The following GHR variants were observed in gnomAD, a reference collection of about 807,000 sequenced individuals.
The protein encoded by GHR is GH receptor.
Under a neutral mutation model 67.1 loss-of-function variants are expected in GHR, and 35 were observed. The observed-to-expected ratio is 0.52, with a 90% CI of 0.40 to 0.69. GHR has a LOEUF of 0.69. GHR is among the 30% of genes least tolerant of loss of function. The pLI is 0.00. For synonymous variants in GHR, 272 were observed against 269.1 expected, an observed-to-expected ratio of 1.01 and a Z score of -0.10; for missense variants, 792 against 764.6, an observed-to-expected ratio of 1.04 and a Z score of -0.42.
chr5:42,534,137 T>C (rs1017316446), intron 1 of GHR, among the ~76,000 whole-genome samples: 8 of 148,112 alleles, frequency 5.4e-5, no homozygotes, highest in African/African-American at 2.0e-4. Context: ...TATATGTACA[T>C]ATGTATATAT....
chr5:42,555,235 T>C (rs1165929752), intron 1 of GHR, among the ~76,000 whole-genome samples: 2 of 152,186 alleles, frequency 1.3e-5, no homozygotes. Context: ...CCAGGTGCTA[T>C]TGGAGGTTCT....
chr5:42,576,129 AAAAT>A (rs1561136028), intron 2 of GHR, among the ~76,000 whole-genome samples: 21 of 102,550 alleles, frequency 2.0e-4, no homozygotes, highest in African/African-American at 7.0e-4. Flanking sequence ...AAAATAAAAT[AAAAT>A]AAAATAAAAT....
intron 3 of GHR, among the ~76,000 whole-genome samples, chr5:42,666,466 C>T (rs548401847): frequency 6.6e-6 from 1 of 152,152 alleles, no homozygotes; most frequent in East Asian, 1.9e-4. Context: ...AAATTTTCAG[C>T]AATTAAAGTG....
chr5:42,612,301 A>T (rs771972561), intron 2 of GHR, among the ~76,000 whole-genome samples: 3 of 152,164 alleles, frequency 2.0e-5, no homozygotes, highest in Non-Finnish European at 4.4e-5. Context: ...AAACATTTGT[A>T]ATGAGGGAAT....
intron 3 of GHR, among the ~76,000 whole-genome samples, chr5:42,633,290 C>G (rs1175732299): frequency 2.0e-5 from 3 of 152,036 alleles, no homozygotes; most frequent in Non-Finnish European, 4.4e-5. Flanking sequence ...ATAAATTAGT[C>G]TAAGTTTTCA....
chr5:42,652,440 C>A (rs1182139358), intron 3 of GHR, among the ~76,000 whole-genome samples: 1 of 152,066 alleles, frequency 6.6e-6, no homozygotes, highest in East Asian at 1.9e-4. Context: ...ATTCAATTCA[C>A]ACAGAAGCCA....
At chr5:42,515,470 A>G (rs1427412591) in intron 1 of GHR, among the ~76,000 whole-genome samples, 1 of 152,190 alleles carries the variant, frequency 6.6e-6, no homozygotes, top group Non-Finnish European at 1.5e-5. Flanking sequence ...TGTCATCCAC[A>G]TAGTCTTGGC....
chr5:42,712,125 G>A (rs1337266759), intron 7 of GHR, among the ~76,000 whole-genome samples: 1 of 152,010 alleles, frequency 6.6e-6, no homozygotes, highest in Non-Finnish European at 1.5e-5. Context: ...GAAAACAGAA[G>A]TTTACAGGGC....
At chr5:42,581,501 A>G (rs1193906209) in intron 2 of GHR, among the ~76,000 whole-genome samples, 1 of 152,226 alleles carries the variant, frequency 6.6e-6, no homozygotes, top group Non-Finnish European at 1.5e-5. Context: ...TTAAGCATAT[A>G]TTATGTTAGT....
At chr5:42,493,354 G>A (rs1332054207) in intron 1 of GHR, among the ~76,000 whole-genome samples, 2 of 152,120 alleles carry the variant, frequency 1.3e-5, no homozygotes, top group Non-Finnish European at 2.9e-5. Flanking sequence ...TGATTATCAA[G>A]TATTTATTTA....
intron 3 of GHR, among the ~76,000 whole-genome samples, chr5:42,669,151 T>C (rs948599976): frequency 6.6e-6 from 1 of 152,188 alleles, no homozygotes; most frequent in Non-Finnish European, 1.5e-5. Flanking sequence ...TATACTGTTT[T>C]AGCAAGCAGA....
chr5:42,643,277 A>G (rs1483435573), intron 3 of GHR, among the ~76,000 whole-genome samples: 1 of 152,208 alleles, frequency 6.6e-6, no homozygotes, highest in East Asian at 1.9e-4. Flanking sequence ...TCTTTATTGC[A>G]GAACCTCTCA....
At chr5:42,489,925 C>T (rs1180093954) in intron 1 of GHR, among the ~76,000 whole-genome samples, 1 of 152,086 alleles carries the variant, frequency 6.6e-6, no homozygotes, top group Non-Finnish European at 1.5e-5. Context: ...AAATATCCTC[C>T]CTTTTTTTCT....
chr5:42,527,069 C>T (rs914810013), intron 1 of GHR, among the ~76,000 whole-genome samples: 2 of 152,136 alleles, frequency 1.3e-5, no homozygotes, highest in African/African-American at 4.8e-5. Context: ...TATAAGAGAT[C>T]TTGAAAGGAG....
At chr5:42,634,943 G>A (rs991479102) in intron 3 of GHR, among the ~76,000 whole-genome samples, 4 of 151,634 alleles carry the variant, frequency 2.6e-5, no homozygotes, top group Admixed American at 1.3e-4. Flanking sequence ...TAACATAAGG[G>A]AAATGTGTCC....
chr5:42,704,188 G>A (rs1213277004), intron 6 of GHR, among the ~76,000 whole-genome samples: 1 of 151,928 alleles, frequency 6.6e-6, no homozygotes, highest in African/African-American at 2.4e-5. Context: ...ATTATGATGT[G>A]AGTTTGTTAT....
chr5:42,604,699 T>C (rs925887768), intron 2 of GHR, among the ~76,000 whole-genome samples: 2 of 120,270 alleles, frequency 1.7e-5, no homozygotes, highest in African/African-American at 3.4e-5. Context: ...GACAAAGTAA[T>C]ATCACACCCC....
chr5:42,716,843 C>G (rs1486938225), intron 8 of GHR, among the ~76,000 whole-genome samples: 1 of 152,162 alleles, frequency 6.6e-6, no homozygotes, highest in East Asian at 1.9e-4. Flanking sequence ...ATGGAATGGA[C>G]TGGACTGACC....
At chr5:42,505,117 T>G (rs557520501) in intron 1 of GHR, among the ~76,000 whole-genome samples, 9 of 137,398 alleles carry the variant, frequency 6.6e-5, no homozygotes, top group Non-Finnish European at 3.2e-5. Flanking sequence ...TGGGAGCTGT[T>G]GACTGTTTTT....
Sources: allele counts gnomAD v4.1 joint callset (sites outside exome capture counted in the v4.1 genomes callset), GRCh38; gene constraint gnomAD v4.1.1; transcripts MANE v1.5; gene names NCBI Gene and HGNC (gene_info 2026-07-23, HGNC 2026-07-21).